The following MED13 variants were observed in gnomAD, a reference collection of about 807,000 sequenced individuals.
The protein encoded by MED13 is mediator complex subunit 13, also known as mediator of RNA polymerase II transcription subunit 13.
In MED13, 23 loss-of-function variants were observed where a neutral mutation model predicts 225.2. The ratio of observed to expected loss-of-function variants is 0.10; its 90% CI spans 0.07 to 0.14. MED13 has a LOEUF of 0.14. Ranked by LOEUF, MED13 falls within the 10% of genes least tolerant of loss-of-function variation. The pLI is 1.00. For synonymous variants in MED13, 942 were observed against 889.2 expected, an observed-to-expected ratio of 1.06 and a Z score of -1.06; for missense variants, 2,197 against 2,594.5, an observed-to-expected ratio of 0.85 and a Z score of 3.33.
At chr17:62,031,707 G>C (rs761135529) in intron 5 of MED13, 69 bp from the exon 6 acceptor site, 1 of 998,670 alleles carries the variant, frequency 1.0e-6, no homozygotes, top group Non-Finnish European at 1.4e-6. Context: ...TCACTCAAAA[G>C]TACTATAATG....
intron 28 of MED13, among the ~76,000 whole-genome samples, chr17:61,948,858 G>A (rs1190973282): frequency 6.0e-5 from 9 of 151,038 alleles, no homozygotes; most frequent in East Asian, 4.0e-4. Flanking sequence ...AGGCCGAGGC[G>A]GGCGGATCAC....
At chr17:62,010,459 T>C (rs2080495890) in intron 9 of MED13, 91 bp downstream of exon 9, 3 of 771,886 alleles carry the variant, frequency 3.9e-6, no homozygotes, top group South Asian at 1.2e-4. Flanking sequence ...TTGTAAATCC[T>C]ACCTTGAATC....
At chr17:61,968,325 ATTTATTTATTTATTTT>A in intron 17 of MED13, 67 bp from the exon 18 acceptor site, 1 of 1,090,728 alleles carries the variant, frequency 9.2e-7, no homozygotes, top group Non-Finnish European at 1.2e-6. Context: ...TTATTTATTT[ATTTATTTATTTATTTT>A]TTGAGACAGA....
At chr17:62,050,567 A>G (rs2080947951) in intron 3 of MED13, among the ~76,000 whole-genome samples, 1 of 152,170 alleles carries the variant, frequency 6.6e-6, no homozygotes, top group East Asian at 1.9e-4. Context: ...TATGTCTTTC[A>G]AAATTTTTAA....
intron 8 of MED13, among the ~76,000 whole-genome samples, chr17:62,012,646 G>A (rs2080522759): frequency 6.6e-6 from 1 of 151,690 alleles, no homozygotes; most frequent in African/African-American, 2.4e-5. Flanking sequence ...CTTTTAAAAT[G>A]TGGTAAGATA....
chr17:61,963,879 T>G (rs989169354), intron 20 of MED13, among the ~76,000 whole-genome samples: 1 of 152,220 alleles, frequency 6.6e-6, no homozygotes, highest in African/African-American at 2.4e-5. Context: ...AAAAAAGGAA[T>G]GAGAGCTGTC....
intron 9 of MED13, chr17:62,006,374 CAAGA>C (rs2080448965): frequency 6.7e-6 from 1 of 149,884 alleles, no homozygotes; most frequent in Non-Finnish European, 1.5e-5. Flanking sequence ...AATGGGACAA[CAAGA>C]AAGATTCCTT....
intron 2 of MED13, among the ~76,000 whole-genome samples, chr17:62,056,556 A>C (rs1325070506): frequency 4.6e-5 from 7 of 152,130 alleles, no homozygotes; most frequent in Admixed American, 4.6e-4. Flanking sequence ...TGAAGCTAGG[A>C]GTTCAAGACT....
chr17:62,054,777 T>G (rs1024475440), intron 2 of MED13, among the ~76,000 whole-genome samples: 1 of 152,242 alleles, frequency 6.6e-6, no homozygotes. Context: ...TAGGAATATC[T>G]TCCAATTCTT....
chr17:62,023,988 CTCTGAGAAATT>C (rs2143650193), intron 8 of MED13, among the ~76,000 whole-genome samples: 1 of 151,986 alleles, frequency 6.6e-6, no homozygotes, highest in East Asian at 1.9e-4. Flanking sequence ...CTCTATATGC[CTCTGAGAAATT>C]TCTGAAAATA....
In MED13 at chr17:61,965,041, T is replaced by C; in HGVS notation, c.4809A>G (p.Ser1603=). The change falls in exon 20 of 30, where the codon TCA becomes TCG. Residue 1603 remains serine, a synonymous_variant. Transcript: ENST00000397786. The stretch of plus-strand genomic sequence containing the variant: ...CATCAGGATGCGGCTGAGTGGGAAG[T>C]GAAGATGATTCTCCAGAAATCCCAG... ...QTAGISGESS[S]LPTQPHPDVS... 6.2e-7 allele frequency: 1 copy of C among 1,614,062 alleles called. No individual in the cohort carries two copies. Among genetic ancestry groups the C allele is most frequent in the Non-Finnish European group, 8.5e-7 (1 of 1,179,964 alleles).
chr17:62,028,741 A>C (rs1006732435), intron 8 of MED13, among the ~76,000 whole-genome samples: 1 of 151,742 alleles, frequency 6.6e-6, no homozygotes, highest in Non-Finnish European at 1.5e-5. Flanking sequence ...GCTACTTGGG[A>C]GGCTGAGGCA....
At chr17:62,047,780 C>T (rs1255216318) in intron 3 of MED13, among the ~76,000 whole-genome samples, 7 of 151,380 alleles carry the variant, frequency 4.6e-5, no homozygotes, top group South Asian at 2.1e-4. Flanking sequence ...GAGAGAGAGA[C>T]GGGGGTCTAG....
chr17:61,981,397 C>G (rs1373228516), intron 16 of MED13, among the ~76,000 whole-genome samples: 2 of 151,704 alleles, frequency 1.3e-5, no homozygotes, highest in African/African-American at 4.9e-5. Flanking sequence ...AGCTTCCCAT[C>G]ACATTTAGTA....
intron 2 of MED13, among the ~76,000 whole-genome samples, chr17:62,060,973 A>G (rs2081034637): frequency 6.6e-6 from 1 of 152,094 alleles, no homozygotes; most frequent in Non-Finnish European, 1.5e-5. Context: ...TGCTGGGATT[A>G]CAGGCGTGAG....
At chr17:61,983,396 A>G (rs2080221638) in intron 15 of MED13, among the ~76,000 whole-genome samples, 1 of 152,146 alleles carries the variant, frequency 6.6e-6, no homozygotes, top group African/African-American at 2.4e-5. Context: ...CTATCTATAA[A>G]TTTTGTTTAC....
chr17:61,952,916 T>G, intron 27 of MED13, 49 bp downstream of exon 27: 1 of 1,585,584 alleles, frequency 6.3e-7, no homozygotes, highest in Non-Finnish European at 8.6e-7. Context: ...ATTTTAGGCG[T>G]AAGCCACTGC....
intron 20 of MED13, among the ~76,000 whole-genome samples, chr17:61,964,511 G>C (rs762011958): frequency 6.6e-6 from 1 of 152,148 alleles, no homozygotes; most frequent in Non-Finnish European, 1.5e-5. Flanking sequence ...GCTGCAGTGA[G>C]CCGTGATCAC....
intron 2 of MED13, among the ~76,000 whole-genome samples, chr17:62,054,407 T>G (rs1398604960): frequency 6.6e-6 from 1 of 152,240 alleles, no homozygotes; most frequent in Non-Finnish European, 1.5e-5. Context: ...TTTTTAAGTC[T>G]AATATTAATC....
Sources: allele counts gnomAD v4.1 joint callset (sites outside exome capture counted in the v4.1 genomes callset), GRCh38; gene constraint gnomAD v4.1.1; transcripts MANE v1.5; gene names NCBI Gene and HGNC (gene_info 2026-07-23, HGNC 2026-07-21).